Variants in THRB observed in about 807,000 individuals in gnomAD.
THRB encodes nuclear receptor subfamily 1 group A member 2.
A neutral mutation model predicts 47.8 loss-of-function variants in THRB; 12 were observed. That is an observed-to-expected ratio of 0.25 (90% confidence interval 0.16 to 0.41). The LOEUF (loss-of-function observed/expected upper bound fraction) is 0.41, where lower values mean the gene tolerates loss of function less well. Among genes scored for constraint, THRB ranks in the 10% least tolerant of loss-of-function variants. The probability of loss-of-function intolerance (pLI) is 1.00; values close to 1 mark genes in which losing one functional copy is unlikely to be tolerated. For synonymous variants in THRB, 218 were observed against 212.2 expected, an observed-to-expected ratio of 1.03 and a Z score of -0.24; for missense variants, 348 against 589.2, an observed-to-expected ratio of 0.59 and a Z score of 4.24.
intron 3 of THRB, among the ~76,000 whole-genome samples, chr3:24,245,818 C>T (rs1232744639): frequency 1.3e-5 from 2 of 152,154 alleles, no homozygotes; most frequent in Non-Finnish European, 2.9e-5. Context: ...GAGGCTGAGG[C>T]AGGAGAATCA....
chr3:24,407,140 C>A (rs2067890422), intron 1 of THRB, among the ~76,000 whole-genome samples: 1 of 151,840 alleles, frequency 6.6e-6, no homozygotes, highest in Admixed American at 6.6e-5. Context: ...AGCTCAAGAG[C>A]TAGAAGCATC....
chr3:24,490,277 C>T (rs898475565), intron 1 of THRB, among the ~76,000 whole-genome samples: 1 of 152,176 alleles, frequency 6.6e-6, no homozygotes, highest in African/African-American at 2.4e-5. Context: ...ACTTGCCATC[C>T]ATTGCTCAAC....
At chr3:24,349,465 A>G (rs1461340989) in intron 1 of THRB, among the ~76,000 whole-genome samples, 1 of 152,140 alleles carries the variant, frequency 6.6e-6, no homozygotes. Context: ...TTATAAATCT[A>G]CATTAATTAA....
intron 5 of THRB, chr3:24,165,528 T>C (rs1397877076): frequency 1.7e-6 from 1 of 575,644 alleles, no homozygotes; most frequent in East Asian, 2.8e-5. Context: ...CCCAGCCTGC[T>C]TTACTTTGTA....
chr3:24,404,962 T>C (rs573156930), intron 1 of THRB, among the ~76,000 whole-genome samples: 3 of 152,052 alleles, frequency 2.0e-5, no homozygotes, highest in Admixed American at 1.3e-4. Context: ...TTACCAAACC[T>C]AAGAATGATC....
chr3:24,368,667 G>A (rs1337376307), intron 1 of THRB, among the ~76,000 whole-genome samples: 1 of 152,176 alleles, frequency 6.6e-6, no homozygotes, highest in Non-Finnish European at 1.5e-5. Context: ...CTTTACCACA[G>A]AAGCCAATGA....
Position 24,386,238 on chromosome 3 carries a change from C to T in THRB, c.-260-48867G>A, listed in dbSNP as rs1407022481. ...CATTCTCAATATCACAGACAAAAACCCGAGCCAAGGCAACAATCAAATTGT... is the reference window on the plus strand; with the variant it reads ...CATTCTCAATATCACAGACAAAAACTCGAGCCAAGGCAACAATCAAATTGT... On this transcript the variant is annotated intron_variant, in intron 1 of 10. Transcript: ENST00000646209. Among the ~76,000 whole-genome samples, 8 of 152,032 alleles carry T rather than the reference C, an allele frequency of 5.3e-5. 1 individual carries two copies. The highest frequency in any genetic ancestry group is 5.2e-4 in the Admixed American group (8 of 15,246).
intron 2 of THRB, among the ~76,000 whole-genome samples, chr3:24,320,294 G>A (rs996688952): frequency 1.3e-5 from 2 of 152,212 alleles, no homozygotes; most frequent in Non-Finnish European, 2.9e-5. Context: ...CCAGAAAAAT[G>A]TATTGTCTGC....
In THRB at chr3:24,118,517, C is replaced by T. The variant is rs1468087167; in HGVS notation, c.*4367G>A. ...TTTTCTGATTCTCAGGGCATGAAAA[C>T]ATTATGGGAAAAAAAAGGATTTTCT... is the stretch of plus-strand genomic sequence containing the variant. On this transcript the variant is annotated 3_prime_UTR_variant, in exon 11 of 11. Transcript: ENST00000646209. 6.6e-6 allele frequency: 1 copy of T among 152,346 alleles called. No individual in the cohort carries two copies. Among genetic ancestry groups the T allele is most frequent in the Non-Finnish European group, 1.5e-5 (1 of 67,958 alleles). The allele number at this position is 152,346 out of a possible 1,614,324, so 9.4% of individuals were successfully genotyped here.
intron 2 of THRB, among the ~76,000 whole-genome samples, chr3:24,298,409 C>T (rs962269454): frequency 4.6e-5 from 7 of 152,282 alleles, no homozygotes; most frequent in African/African-American, 1.7e-4. Flanking sequence ...GGTACAATTG[C>T]AGTAAAGTTG....
intron 3 of THRB, among the ~76,000 whole-genome samples, chr3:24,264,973 A>T (rs552747647): frequency 6.6e-6 from 1 of 152,334 alleles, no homozygotes; most frequent in South Asian, 2.1e-4. Context: ...CTTTTGAGTG[A>T]TAACGCATAC....
At chr3:24,486,768 C>A (rs1457902671) in intron 1 of THRB, among the ~76,000 whole-genome samples, 2 of 151,980 alleles carry the variant, frequency 1.3e-5, no homozygotes, top group African/African-American at 2.4e-5. Context: ...TAACTTGTTT[C>A]AAAAAATATT....
chr3:24,430,557 G>A (rs1396836553), intron 1 of THRB, among the ~76,000 whole-genome samples: 2 of 151,888 alleles, frequency 1.3e-5, no homozygotes, highest in African/African-American at 2.4e-5. Flanking sequence ...TACCTAAAAT[G>A]CTAAAGATAG....
chr3:24,139,109 C>A (rs1257752548), intron 8 of THRB, among the ~76,000 whole-genome samples: 1 of 152,184 alleles, frequency 6.6e-6, no homozygotes, highest in Non-Finnish European at 1.5e-5. Flanking sequence ...TTCATCCTTA[C>A]TGTCATCACA....
At chr3:24,220,925 CTT>C (rs2047095394) in intron 4 of THRB, among the ~76,000 whole-genome samples, 1 of 152,216 alleles carries the variant, frequency 6.6e-6, no homozygotes, top group Non-Finnish European at 1.5e-5. Context: ...GGGCAAGACA[CTT>C]CACCACATTG....
At chr3:24,320,711 CA>C (rs2058429364) in intron 2 of THRB, among the ~76,000 whole-genome samples, 2 of 151,688 alleles carry the variant, frequency 1.3e-5, no homozygotes, top group South Asian at 2.1e-4. Context: ...CAACATTTGA[CA>C]AAAAAAGGGG....
At chr3:24,210,336 C>T (rs555120669) in intron 4 of THRB, among the ~76,000 whole-genome samples, 142 of 151,996 alleles carry the variant, frequency 9.3e-4, no homozygotes, top group East Asian at 1.9e-4. Context: ...ATTATTTGTT[C>T]GATCCAAATA....
chr3:24,220,761 G>A (rs1399777615), intron 4 of THRB, among the ~76,000 whole-genome samples: 1 of 146,446 alleles, frequency 6.8e-6, no homozygotes, highest in Non-Finnish European at 1.5e-5. Flanking sequence ...TGGAAATGCA[G>A]CATGAAAAAG....
At chr3:24,251,879 T>C (rs2050705858) in intron 3 of THRB, among the ~76,000 whole-genome samples, 1 of 152,070 alleles carries the variant, frequency 6.6e-6, no homozygotes, top group South Asian at 2.1e-4. Flanking sequence ...TTTGCCCAGA[T>C]GACTTATTTT....
Sources: allele counts gnomAD v4.1 joint callset (sites outside exome capture counted in the v4.1 genomes callset), GRCh38; gene constraint gnomAD v4.1.1; transcripts MANE v1.5; gene names NCBI Gene and HGNC (gene_info 2026-07-23, HGNC 2026-07-21).